LDLRAD4: variants seen among roughly 807,000 people sequenced by gnomAD.
LDLRAD4 encodes low-density lipoprotein receptor class A domain-containing protein 4.
Under a neutral mutation model 17.0 loss-of-function variants are expected in LDLRAD4, and 5 were observed. That is an observed-to-expected ratio of 0.29 (90% CI 0.15 to 0.62). The LOEUF (loss-of-function observed/expected upper bound fraction) is 0.62. LDLRAD4 is among the 20% of genes least tolerant of loss of function. The pLI is 0.84. For missense variants in LDLRAD4, 340 were observed against 424.7 expected, an observed-to-expected ratio of 0.80 and a Z score of 1.75; for synonymous variants, 168 against 171.8, an observed-to-expected ratio of 0.98 and a Z score of 0.17.
At chr18:13,626,470 G>A (rs1185034923) in intron 4 of LDLRAD4, among the ~76,000 whole-genome samples, 2 of 152,196 alleles carry the variant, frequency 1.3e-5, no homozygotes, top group African/African-American at 2.4e-5. Context: ...ATGGCATGCA[G>A]GCAGAAGGGT....
chr18:13,628,749 C>T (rs2041394988), intron 4 of LDLRAD4, among the ~76,000 whole-genome samples: 1 of 152,184 alleles, frequency 6.6e-6, no homozygotes. Flanking sequence ...AGAGTCAATG[C>T]TTATCTTTAA....
Position 13,443,231 on chromosome 18 carries a change from T to C in LDLRAD4, c.181+4847T>C, listed in dbSNP as rs76499023. Among the ~76,000 whole-genome samples the C allele has an allele frequency of 3.9e-3, 592 of 152,322 alleles. 7 individuals carry two copies. The highest frequency in any genetic ancestry group is 0.014 in the African/African-American group (568 of 41,556). ...TTATTTTACTTCCGAAACCAGCTCT[T>C]CCCACCTTCGTCATTTTTTCTCCCA... On this transcript the variant is annotated intron_variant, in intron 3 of 5. Coordinates refer to ENST00000359446, the Ensembl canonical transcript of LDLRAD4.
chr18:13,605,024 G>A (rs79717861), intron 3 of LDLRAD4, among the ~76,000 whole-genome samples: 4 of 152,284 alleles, frequency 2.6e-5, no homozygotes, highest in Middle Eastern at 3.4e-3. Flanking sequence ...GAGAGAAAGC[G>A]GGGCCAGGCT....
intron 3 of LDLRAD4, among the ~76,000 whole-genome samples, chr18:13,544,835 C>G (rs1281068134): frequency 1.3e-5 from 2 of 149,950 alleles, no homozygotes. Flanking sequence ...AAGGGTCCAA[C>G]TCCCTGGAGC....
chr18:13,271,755 T>C (rs1168178112), intron 1 of LDLRAD4, among the ~76,000 whole-genome samples: 4 of 152,146 alleles, frequency 2.6e-5, no homozygotes, highest in Non-Finnish European at 4.4e-5. Context: ...AGAGTGTTAG[T>C]TGACATTAGG....
intron 1 of LDLRAD4, among the ~76,000 whole-genome samples, chr18:13,324,772 C>T (rs1302877385): frequency 6.6e-6 from 1 of 151,998 alleles, no homozygotes; most frequent in Non-Finnish European, 1.5e-5. Context: ...CACAGTAGGA[C>T]CCAAAAAGGG....
At chr18:13,360,584 G>GA (rs766576868) in intron 1 of LDLRAD4, among the ~76,000 whole-genome samples, 2 of 152,380 alleles carry the variant, frequency 1.3e-5, no homozygotes, top group Non-Finnish European at 2.9e-5. Flanking sequence ...GTCTTGAAAA[G>GA]AGCATAAGTA....
At chr18:13,607,973 G>A (rs1043913547) in intron 3 of LDLRAD4, among the ~76,000 whole-genome samples, 2 of 152,206 alleles carry the variant, frequency 1.3e-5, no homozygotes, top group Admixed American at 6.5e-5. Context: ...TAATGGGACT[G>A]CTGGGCCAAA....
At chr18:13,587,414 T>C (rs2094950171) in intron 3 of LDLRAD4, among the ~76,000 whole-genome samples, 1 of 152,166 alleles carries the variant, frequency 6.6e-6, no homozygotes, top group African/African-American at 2.4e-5. Context: ...TGCCTTGGTC[T>C]TTACCGAGAA....
intron 4 of LDLRAD4, among the ~76,000 whole-genome samples, chr18:13,629,370 C>T (rs947668567): frequency 6.6e-6 from 1 of 152,110 alleles, no homozygotes; most frequent in East Asian, 1.9e-4. Flanking sequence ...GACTGACGTC[C>T]GAGTTACAAA....
intron 3 of LDLRAD4, among the ~76,000 whole-genome samples, chr18:13,590,131 ATG>A (rs1180634649): frequency 3.4e-5 from 5 of 148,874 alleles, no homozygotes; most frequent in Admixed American, 6.6e-5. Flanking sequence ...GTGGGTGTGC[ATG>A]TGTGGGTGTG....
chr18:13,646,371 GAT>G (rs2043015971), exon 6 of LDLRAD4: 1 of 152,540 alleles, frequency 6.6e-6, no homozygotes, highest in Non-Finnish European at 1.5e-5. Context: ...TCCAAGAAAA[GAT>G]ATTTGGGGAC....
intron 1 of LDLRAD4, among the ~76,000 whole-genome samples, chr18:13,302,353 T>C (rs1476249067): frequency 6.6e-6 from 1 of 152,190 alleles, no homozygotes; most frequent in African/African-American, 2.4e-5. Flanking sequence ...GATGATTAGT[T>C]TTCAGCAGCT....
intron 3 of LDLRAD4, among the ~76,000 whole-genome samples, chr18:13,576,280 G>A (rs1274366087): frequency 1.3e-5 from 2 of 152,016 alleles, no homozygotes; most frequent in African/African-American, 4.8e-5. Flanking sequence ...AAATTAGCTG[G>A]GCATGGTGGC....
At chr18:13,271,624 T>C (rs991030006) in intron 1 of LDLRAD4, among the ~76,000 whole-genome samples, 1 of 152,252 alleles carries the variant, frequency 6.6e-6, no homozygotes, top group Non-Finnish European at 1.5e-5. Context: ...CGTGAAGTCC[T>C]TGAATGCCGA....
At chr18:13,386,617 G>A (rs982905766) in intron 1 of LDLRAD4, among the ~76,000 whole-genome samples, 1 of 152,126 alleles carries the variant, frequency 6.6e-6, no homozygotes, top group Non-Finnish European at 1.5e-5. Context: ...TGATCCTCCC[G>A]CCTCGGCCTC....
intron 1 of LDLRAD4, among the ~76,000 whole-genome samples, chr18:13,231,238 G>T (rs2042056205): frequency 6.6e-6 from 1 of 152,194 alleles, no homozygotes; most frequent in Non-Finnish European, 1.5e-5. Context: ...GGGCAAGAGG[G>T]GTCTGGACCG....
rs150139539 is a variant in LDLRAD4 at position 13,523,010 on chromosome 18, C to T, written c.181+84626C>T. The T allele has an allele frequency of 6.5e-3, 995 of 152,326 alleles. 6 individuals are homozygous for T. The highest frequency in any genetic ancestry group is 0.012 in the African/African-American group (517 of 41,538). 9.4% of individuals were successfully genotyped at this position (152,326 alleles called of 1,614,324 possible). On this transcript the variant is annotated intron_variant, in intron 3 of 5. Transcript: ENST00000359446. ...AGATCCAGCTGCCCAGGAGCAGGAACGCTGTGCCCCCGGCAACATTCTAGA... is the reference window on the plus strand; with the variant it reads ...AGATCCAGCTGCCCAGGAGCAGGAATGCTGTGCCCCCGGCAACATTCTAGA...
intron 1 of LDLRAD4, among the ~76,000 whole-genome samples, chr18:13,247,266 A>G (rs1003112870): frequency 1.3e-5 from 2 of 152,202 alleles, no homozygotes; most frequent in Admixed American, 6.5e-5. Context: ...CAGAAGACTT[A>G]CGAAGATTGT....
Sources: gnomAD v4.1 joint callset for allele counts (sites outside exome capture counted in the v4.1 genomes callset) on GRCh38, gnomAD v4.1.1 for gene constraint, MANE v1.5 for transcripts, NCBI Gene and HGNC (gene_info 2026-07-23, HGNC 2026-07-21) for gene names.